AGAP1: variants seen among roughly 807,000 people sequenced by gnomAD.
AGAP1 encodes the protein ArfGAP with GTPase domain, ankyrin repeat and PH domain 1, also known as arf-GAP with GTPase, ANK repeat and PH domain-containing protein 1.
In AGAP1, 29 loss-of-function variants were observed where a neutral mutation model predicts 105.3. The observed-to-expected ratio is 0.28, with a 90% CI of 0.21 to 0.38. The LOEUF (loss-of-function observed/expected upper bound fraction) is 0.38. Among genes scored for constraint, AGAP1 ranks in the 10% least tolerant of loss-of-function variants. AGAP1 has a pLI of 1.00. For synonymous variants in AGAP1, 509 were observed against 485.9 expected (o/e 1.05, Z -0.63); for missense variants, 998 against 1,165.1 (o/e 0.86, Z 2.09).
At chr2:235,558,395 GA>G (rs1944040648) in intron 1 of AGAP1, among the ~76,000 whole-genome samples, 1 of 152,112 alleles carries the variant, frequency 6.6e-6, no homozygotes, top group African/African-American at 2.4e-5. Context: ...ATCTCTGGGA[GA>G]TATGTGTATG....
chr2:235,779,665 C>T (rs1956137846), intron 6 of AGAP1, among the ~76,000 whole-genome samples: 1 of 152,158 alleles, frequency 6.6e-6, no homozygotes, highest in South Asian at 2.1e-4. Flanking sequence ...CATCCCTGCC[C>T]CTGGTTTCCT....
chr2:235,540,109 C>G (rs1487183345), intron 1 of AGAP1, among the ~76,000 whole-genome samples: 2 of 150,884 alleles, frequency 1.3e-5, no homozygotes, highest in East Asian at 3.9e-4. Context: ...TTTTGTTCCT[C>G]TCAATCCGTT....
chr2:235,602,447 C>T (rs186118815), intron 1 of AGAP1, among the ~76,000 whole-genome samples: 19 of 152,256 alleles, frequency 1.2e-4, no homozygotes, highest in Non-Finnish European at 2.2e-4. Flanking sequence ...CCTCTTTGCC[C>T]GCCAGGCTCA....
intron 9 of AGAP1, among the ~76,000 whole-genome samples, chr2:235,858,689 T>C (rs537340349): frequency 6.6e-6 from 1 of 152,338 alleles, no homozygotes; most frequent in East Asian, 1.9e-4. Context: ...TCAAAAGTTA[T>C]AATGTATCCG....
rs73996693 is a variant in AGAP1, at chr2:235,992,012, C to T, written c.1645+23389C>T. ...ACAAATGTCCACATTTCTCTCTCATCTGTGAAGGCCCGTTGAGACTGCTCA... is the reference window on the plus strand; with the variant it reads ...ACAAATGTCCACATTTCTCTCTCATTTGTGAAGGCCCGTTGAGACTGCTCA... On this transcript the variant is annotated intron_variant, in intron 13 of 17. Coordinates refer to ENST00000304032, the MANE Select transcript of AGAP1 (RefSeq NM_001037131.3). The surrounding 1 kb of genome is among the most constrained non-coding windows in gnomAD (Gnocchi z 4.8). 9.7e-3 allele frequency among the ~76,000 whole-genome samples: 1,475 copies of T among 152,358 alleles called. 30 individuals are homozygous for T. The highest frequency in any genetic ancestry group is 0.034 in the African/African-American group (1,406 of 41,584).
intron 1 of AGAP1, among the ~76,000 whole-genome samples, chr2:235,593,363 G>C (rs1280077800): frequency 6.6e-6 from 1 of 152,122 alleles, no homozygotes; most frequent in African/African-American, 2.4e-5. Flanking sequence ...AAAAGCAAAG[G>C]CTTAAAATTT....
intron 16 of AGAP1, among the ~76,000 whole-genome samples, chr2:236,091,483 A>C (rs2059058721): frequency 6.6e-6 from 1 of 152,152 alleles, no homozygotes; most frequent in South Asian, 2.1e-4. Context: ...GAGAAAGAAA[A>C]ACCTAGGCCG....
At position 236,014,409 on chromosome 2, in the gene AGAP1, C is replaced by T. The variant is rs1185981889; in HGVS notation, c.1646-22152C>T. ...GATTTGACATGCTCCTAATATTTGGCCGAATCAAAGGGCTTGTGGCGACTG... is the reference window on the plus strand; with the variant it reads ...GATTTGACATGCTCCTAATATTTGGTCGAATCAAAGGGCTTGTGGCGACTG... On this transcript the variant is annotated intron_variant, in intron 13 of 17. Coordinates refer to ENST00000304032, the MANE Select transcript of AGAP1 (RefSeq NM_001037131.3). This position sits in a 1 kb window ranked among gnomAD's most constrained non-coding sequence, Gnocchi z 6.3. Among the ~76,000 whole-genome samples, 1 of 152,196 alleles carries T rather than the reference C, an allele frequency of 6.6e-6. No homozygotes were observed. Among genetic ancestry groups the T allele is most frequent in the African/African-American group, 2.4e-5 (1 of 41,450 alleles).
intron 11 of AGAP1, among the ~76,000 whole-genome samples, chr2:235,922,965 C>T (rs182799092): frequency 6.6e-6 from 1 of 152,310 alleles, no homozygotes; most frequent in East Asian, 1.9e-4. Context: ...GAAGCTTGCA[C>T]TAATCAAGGC....
chr2:235,501,435 T>TG (rs1434218145), intron 1 of AGAP1, among the ~76,000 whole-genome samples: 3 of 152,208 alleles, frequency 2.0e-5, no homozygotes, highest in African/African-American at 4.8e-5. Flanking sequence ...ATTTCCAAGC[T>TG]GAAAGCGCGT....
In AGAP1 at chr2:235,993,433, G is replaced by C. The variant is rs540729753; in HGVS notation, c.1645+24810G>C. On this transcript the variant is annotated intron_variant, in intron 13 of 17. Transcript: ENST00000304032. The surrounding 1 kb of genome is among the most constrained non-coding windows in gnomAD (Gnocchi z 5.0). The stretch of plus-strand genomic sequence containing the variant: ...AAGTCCAGCACAGTGTGTGCACGTG[G>C]TATGTCCCTGATGGAAACTGCTTCT... Among the ~76,000 whole-genome samples the C allele has an allele frequency of 2.6e-5, 4 of 152,192 alleles. No homozygotes were observed. Among genetic ancestry groups the C allele is most frequent in the Admixed American group, 6.5e-5 (1 of 15,284 alleles).
Position 235,801,065 on chromosome 2 carries a change from T to C in AGAP1, c.957+1543T>C, listed in dbSNP as rs558790536. On this transcript the variant is annotated intron_variant, in intron 8 of 17. Transcript: ENST00000304032. This position sits in a 1 kb window ranked among gnomAD's most constrained non-coding sequence, Gnocchi z 6.0. ...CAGTCTCTCATTGGATGCTCATGACTGCGGAGGCGGTTGCCAGCTGCACAC... is the reference window on the plus strand; with the variant it reads ...CAGTCTCTCATTGGATGCTCATGACCGCGGAGGCGGTTGCCAGCTGCACAC... Among the ~76,000 whole-genome samples the C allele has an allele frequency of 6.6e-6, 1 of 152,294 alleles. No homozygotes were observed. Among genetic ancestry groups the C allele is most frequent in the South Asian group, 2.1e-4 (1 of 4,822 alleles).
chr2:235,596,581 G>A lies in AGAP1; in HGVS notation c.163+101732G>A, dbSNP rs575582765. 2.6e-5 allele frequency among the ~76,000 whole-genome samples: 4 copies of A among 152,322 alleles called. No individual in the cohort carries two copies. The highest frequency in any genetic ancestry group is 6.5e-5 in the Admixed American group (1 of 15,300). ...AGGCAGAGTTGGAGAGACCCTTCCC[G>A]GGTTCCTGGTTGCAGGTGCTGTGTC... is the stretch of plus-strand genomic sequence containing the variant. On this transcript the variant is annotated intron_variant, in intron 1 of 17. Coordinates refer to ENST00000304032, the MANE Select transcript of AGAP1 (RefSeq NM_001037131.3). This position sits in a 1 kb window ranked among gnomAD's most constrained non-coding sequence, Gnocchi z 5.9.
In AGAP1 at chr2:236,126,760, T is replaced by G. The variant is rs1477287367; in HGVS notation, c.*2638T>G. 6.6e-6 allele frequency: 1 copy of G among 151,958 alleles called. No homozygotes were observed. Among genetic ancestry groups the G allele is most frequent in the Non-Finnish European group, 1.5e-5 (1 of 67,994 alleles). 9.4% of individuals were successfully genotyped at this position (151,958 alleles called of 1,614,324 possible). On this transcript the variant is annotated 3_prime_UTR_variant, in exon 18 of 18. Coordinates refer to ENST00000304032, the MANE Select transcript of AGAP1 (RefSeq NM_001037131.3). ...CAGAAGGAAAGGCAGTTTTTGAGGG[T>G]CTTTCGAAAAAAAGAAGACGGGGCA...
intron 1 of AGAP1, among the ~76,000 whole-genome samples, chr2:235,697,422 C>A (rs760871697): frequency 4.6e-5 from 7 of 152,168 alleles, no homozygotes; most frequent in Non-Finnish European, 1.0e-4. Context: ...CCCAGTGCCC[C>A]CACTTCCCCC....
intron 10 of AGAP1, among the ~76,000 whole-genome samples, chr2:235,903,567 G>A (rs1044286428): frequency 6.6e-6 from 1 of 152,178 alleles, no homozygotes; most frequent in Non-Finnish European, 1.5e-5. Flanking sequence ...TTTAGGGACT[G>A]TTGATGGATT....
chr2:235,943,017 T>TA (rs1455461964), intron 12 of AGAP1, among the ~76,000 whole-genome samples: 3 of 152,242 alleles, frequency 2.0e-5, no homozygotes, highest in African/African-American at 7.2e-5. Flanking sequence ...ATTTGTCAAA[T>TA]ATATGTGCTG....
chr2:235,784,858 A>G (rs75619201), intron 6 of AGAP1, among the ~76,000 whole-genome samples: 273 of 152,278 alleles, frequency 1.8e-3, no homozygotes, highest in African/African-American at 6.3e-3. Context: ...TCTGGGAGGT[A>G]ATGCTGGTTA....
chr2:236,030,657 A>G (rs2125637710), intron 13 of AGAP1, among the ~76,000 whole-genome samples: 1 of 152,324 alleles, frequency 6.6e-6, no homozygotes, highest in Middle Eastern at 3.4e-3. Flanking sequence ...GGGAAGGAGA[A>G]GGAGGGTCCT....
Sources: allele counts gnomAD v4.1 joint callset (sites outside exome capture counted in the v4.1 genomes callset), GRCh38; gene constraint gnomAD v4.1.1; non-coding constraint Gnocchi (gnomAD v3.1); transcripts MANE v1.5; gene names NCBI Gene and HGNC (gene_info 2026-07-23, HGNC 2026-07-21).